Variants in TRAK1 observed in about 807,000 individuals in gnomAD.
TRAK1 encodes trafficking kinesin-binding protein 1.
In TRAK1, 33 loss-of-function variants were observed where a neutral mutation model predicts 92.1. That is an observed-to-expected ratio of 0.36 (90% CI 0.27 to 0.48). TRAK1 has a LOEUF of 0.48. Among genes scored for constraint, TRAK1 ranks in the 20% least tolerant of loss-of-function variants. TRAK1 has a pLI of 0.99. For synonymous variants in TRAK1, 521 were observed against 517.3 expected (o/e 1.01, Z -0.10); for missense variants, 1,123 against 1,257.9 (o/e 0.89, Z 1.62).
intron 2 of TRAK1, among the ~76,000 whole-genome samples, chr3:42,158,716 T>C (rs1441255338): frequency 1.4e-5 from 2 of 145,404 alleles, no homozygotes. Context: ...GGCTGAGGCA[T>C]GCGGATCATG....
chr3:42,182,207 G>C lies in TRAK1; in HGVS notation c.364-2478G>C, dbSNP rs200264328. The stretch of plus-strand genomic sequence containing the variant: ...CGTGTCCCCTTTGCCCCGTGAGAGG[G>C]CCGTCTCCACATGTACTGTGTTCCC... On this transcript the variant is annotated intron_variant, in intron 3 of 15. Coordinates refer to ENST00000327628, the MANE Select transcript of TRAK1 (RefSeq NM_001042646.3). Among the ~76,000 whole-genome samples the C allele has an allele frequency of 1.2e-4, 19 of 152,248 alleles. No homozygotes were observed. In the East Asian group the frequency reaches 3.5e-3, roughly 28 times the overall value.
At chr3:42,051,868 A>G (rs1050255931) in intron 1 of TRAK1, among the ~76,000 whole-genome samples, 1 of 152,240 alleles carries the variant, frequency 6.6e-6, no homozygotes, top group African/African-American at 2.4e-5. Context: ...TTCCCAGAAT[A>G]CAGTCCTGGT....
chr3:42,116,239 A>G (rs1576437628), intron 1 of TRAK1, among the ~76,000 whole-genome samples: 2 of 152,334 alleles, frequency 1.3e-5, no homozygotes, highest in South Asian at 4.1e-4. Context: ...GCTCTGTGAC[A>G]TTTGGCCACC....
chr3:42,116,539 C>G (rs754997842), intron 1 of TRAK1, among the ~76,000 whole-genome samples: 1 of 152,188 alleles, frequency 6.6e-6, no homozygotes, highest in East Asian at 1.9e-4. Context: ...CCCTTTAATC[C>G]TTATAATTTT....
intron 1 of TRAK1, among the ~76,000 whole-genome samples, chr3:42,124,237 T>G (rs1665412879): frequency 6.6e-6 from 1 of 152,176 alleles, no homozygotes; most frequent in Non-Finnish European, 1.5e-5. Flanking sequence ...AAGTTAACTC[T>G]CCTCTCCTGT....
At chr3:42,172,915 G>A (rs1317967327) in intron 2 of TRAK1, among the ~76,000 whole-genome samples, 3 of 152,224 alleles carry the variant, frequency 2.0e-5, no homozygotes, top group South Asian at 2.1e-4. Context: ...GGAGGCCGAG[G>A]CAGGTGGATC....
At chr3:42,043,341 G>A (rs1227277810) in intron 1 of TRAK1, among the ~76,000 whole-genome samples, 2 of 150,806 alleles carry the variant, frequency 1.3e-5, no homozygotes, top group South Asian at 2.1e-4. Context: ...TCCCCTCCCC[G>A]ACTCACACTC....
chr3:42,184,431 A>G (rs565423918), intron 3 of TRAK1, among the ~76,000 whole-genome samples: 23 of 152,366 alleles, frequency 1.5e-4, no homozygotes, highest in Admixed American at 1.2e-3. Context: ...TCTTTCCTGT[A>G]GGAACAAAGA....
chr3:42,134,099 T>TG (rs969948660), intron 2 of TRAK1, among the ~76,000 whole-genome samples: 1 of 152,046 alleles, frequency 6.6e-6, no homozygotes, highest in African/African-American at 2.4e-5. Flanking sequence ...CCTAGGCACA[T>TG]GAGACAGTGG....
chr3:42,015,317 G>A (rs192497413), intron 1 of TRAK1, among the ~76,000 whole-genome samples: 1 of 152,294 alleles, frequency 6.6e-6, no homozygotes, highest in African/African-American at 2.4e-5. Flanking sequence ...CTTGTCTCAG[G>A]GCTGCGAGTT....
chr3:42,131,251 C>G (rs763261568), intron 2 of TRAK1, among the ~76,000 whole-genome samples: 1 of 152,134 alleles, frequency 6.6e-6, no homozygotes, highest in African/African-American at 2.4e-5. Context: ...ACACAGTGGT[C>G]GCTCCCTTCT....
chr3:42,016,548 G>GTA (rs1701534463), intron 1 of TRAK1, among the ~76,000 whole-genome samples: 1 of 152,198 alleles, frequency 6.6e-6, no homozygotes, highest in Non-Finnish European at 1.5e-5. Flanking sequence ...CTTGTATATA[G>GTA]TAGGCCTCTG....
intron 1 of TRAK1, among the ~76,000 whole-genome samples, chr3:42,067,144 G>C (rs1703715886): frequency 1.3e-5 from 2 of 152,154 alleles, no homozygotes; most frequent in East Asian, 3.8e-4. Flanking sequence ...TTTAAGTCTA[G>C]AATCTGACTT....
chr3:42,043,264 C>T (rs919718212), intron 1 of TRAK1, among the ~76,000 whole-genome samples: 1 of 151,930 alleles, frequency 6.6e-6, no homozygotes, highest in African/African-American at 2.4e-5. Context: ...ATTGCCCGTT[C>T]CCGTTCTTTC....
At chr3:42,163,547 G>A (rs1415639569) in intron 2 of TRAK1, among the ~76,000 whole-genome samples, 2 of 151,442 alleles carry the variant, frequency 1.3e-5, no homozygotes, top group Non-Finnish European at 2.9e-5. Flanking sequence ...CAGCCTGGGC[G>A]GCAGAGCGAG....
At position 42,092,092 on chromosome 3, in the gene TRAK1, C is replaced by T. The variant is rs756346182; in HGVS notation, c.91+532C>T. Among the ~76,000 whole-genome samples, 120 of 152,182 alleles carry T rather than the reference C, an allele frequency of 7.9e-4. 1 individual carries two copies. The highest frequency in any genetic ancestry group is 2.5e-4 in the Non-Finnish European group (17 of 68,030). On this transcript the variant is annotated intron_variant, in intron 1 of 15. Coordinates refer to ENST00000327628, the MANE Select transcript of TRAK1 (RefSeq NM_001042646.3). ...CTCTCTCCCGTTTCCCTCTCTTCCA[C>T]CCTCCCTTTCTTTTTTGTCCTTTAC...
At chr3:42,089,924 A>G (rs553447306), upstream of TRAK1, among the ~76,000 whole-genome samples, 5 of 152,262 alleles carry the variant, frequency 3.3e-5, no homozygotes, top group Middle Eastern at 3.4e-3. Flanking sequence ...AATTGTGTCA[A>G]TTTGTGCAGT....
chr3:42,186,567 T>C (rs569039623), intron 4 of TRAK1, among the ~76,000 whole-genome samples: 2 of 152,366 alleles, frequency 1.3e-5, no homozygotes, highest in South Asian at 2.1e-4. Context: ...TTCCCTCTCA[T>C]GTGACTGGTG....
intron 2 of TRAK1, chr3:42,160,113 C>A (rs1701074120): frequency 1.0e-5 from 10 of 985,462 alleles, no homozygotes; most frequent in Admixed American, 9.0e-5. Context: ...AAGTGCTCCA[C>A]CCCACCCCGC....
Sources: allele counts gnomAD v4.1 joint callset (sites outside exome capture counted in the v4.1 genomes callset), GRCh38; gene constraint gnomAD v4.1.1; transcripts MANE v1.5; gene names NCBI Gene and HGNC (gene_info 2026-07-23, HGNC 2026-07-21).